The following VPS13C variants were observed in gnomAD, a reference collection of about 807,000 sequenced individuals.
VPS13C encodes vacuolar protein sorting 13 homolog C.
Under a neutral mutation model 456.8 loss-of-function variants are expected in VPS13C, and 358 were observed. The observed-to-expected ratio is 0.78, with a 90% CI of 0.72 to 0.86. The LOEUF (loss-of-function observed/expected upper bound fraction) is 0.86. Ranked by LOEUF, VPS13C falls within the 40% of genes least tolerant of loss-of-function variation. The probability of loss-of-function intolerance (pLI) is 0.00; values close to 1 mark genes in which losing one functional copy is unlikely to be tolerated. For missense variants in VPS13C, 4,818 were observed against 4,385.4 expected (o/e 1.10, Z -2.79); for synonymous variants, 1,578 against 1,486.7 (o/e 1.06, Z -1.41).
At chr15:61,926,402 A>G (rs2043851174) in intron 52 of VPS13C, among the ~76,000 whole-genome samples, 1 of 152,208 alleles carries the variant, frequency 6.6e-6, no homozygotes, top group Admixed American at 6.5e-5. Flanking sequence ...CCTTGTCTCT[A>G]AAAGAGAAAG....
rs77585482 is a variant in VPS13C at position 61,925,442 on chromosome 15, T to C, written c.6609+14A>G. ...AATAAGAATTTTCACTCAAAGAATA[T>C]GGTAAGTACTAACCTTAATTATAAA... On this transcript the variant is annotated intron_variant, in intron 53 of 84. Coordinates refer to ENST00000644861, the MANE Select transcript of VPS13C (RefSeq NM_020821.3). The C allele has an allele frequency of 0.072, 102,976 of 1,439,084 alleles. 4,011 individuals carry two copies. The highest frequency in any genetic ancestry group is 0.08 in the Non-Finnish European group (85,001 of 1,065,662). The allele number at this position is 1,439,084 out of a possible 1,614,324, so 89.1% of individuals were successfully genotyped here. A position where few individuals can be genotyped will look rare whatever the true frequency, so the allele number is the denominator to read the frequency against.
chr15:62,014,543 GA>G (rs2047160541), intron 9 of VPS13C, among the ~76,000 whole-genome samples: 1 of 151,926 alleles, frequency 6.6e-6, no homozygotes, highest in South Asian at 2.1e-4. Context: ...GAGGTGGGAG[GA>G]TAACTTTAGA....
intron 11 of VPS13C, among the ~76,000 whole-genome samples, chr15:62,012,506 G>A (rs954403658): frequency 6.6e-6 from 1 of 151,818 alleles, no homozygotes; most frequent in Non-Finnish European, 1.5e-5. Context: ...ATCTTTCTGA[G>A]AAATCAGAGA....
chr15:61,973,311 TCA>T, intron 26 of VPS13C, 141 bp downstream of exon 26: 1 of 599,442 alleles, frequency 1.7e-6, no homozygotes, highest in Non-Finnish European at 2.8e-6. Flanking sequence ...AGACTCAGAG[TCA>T]CACTAATGTA....
intron 51 of VPS13C, 122 bp downstream of exon 51, chr15:61,929,379 G>C (rs1242818955): frequency 7.7e-7 from 1 of 1,292,152 alleles, no homozygotes; most frequent in Non-Finnish European, 1.0e-6. Context: ...TTTTTATATA[G>C]AATATGTTTA....
intron 52 of VPS13C, among the ~76,000 whole-genome samples, chr15:61,926,527 G>C (rs2043855275): frequency 6.6e-6 from 1 of 152,136 alleles, no homozygotes; most frequent in African/African-American, 2.4e-5. Flanking sequence ...AAGTCATTTT[G>C]TCCACAAATT....
intron 67 of VPS13C, among the ~76,000 whole-genome samples, chr15:61,888,186 G>A (rs984801272): frequency 3.9e-5 from 6 of 151,992 alleles, no homozygotes; most frequent in African/African-American, 7.3e-5. Context: ...CCAAAACACC[G>A]ACAATACCAA....
intron 9 of VPS13C, among the ~76,000 whole-genome samples, chr15:62,017,085 T>G (rs2047279533): frequency 6.6e-6 from 1 of 152,246 alleles, no homozygotes; most frequent in Admixed American, 6.5e-5. Context: ...GAGAAGCGTC[T>G]TCTTTTGAGA....
At position 61,910,300 on chromosome 15, in the gene VPS13C, A is replaced by G; in HGVS notation, c.8721T>C (p.Leu2907=). Residue 2907 remains leucine (L), a synonymous_variant, in exon 64 of 85, where the codon CTT becomes CTC. Transcript: ENST00000644861. The part of the protein sequence containing the change: ...KWNYIASSEC[L]PFWPESLSGK... ...CTGACAAACTTTCTGGCCAAAATGG[A>G]AGGCACTAAAAATATAGAAGTTATT... is the stretch of plus-strand genomic sequence containing the variant. 1.3e-6 allele frequency: 2 copies of G among 1,520,258 alleles called. No individual in the cohort carries two copies. The highest frequency in any genetic ancestry group is 1.3e-5 in the South Asian group (1 of 76,452). The allele number at this position is 1,520,258 out of a possible 1,614,324, so 94.2% of individuals were successfully genotyped here.
At chr15:62,019,084 T>A (rs928265649) in intron 9 of VPS13C, among the ~76,000 whole-genome samples, 24 of 152,218 alleles carry the variant, frequency 1.6e-4, no homozygotes, top group African/African-American at 5.8e-4. Context: ...TAGAGGTGTT[T>A]ATAGTATTCT....
intron 12 of VPS13C, 34 bp downstream of exon 12, chr15:62,012,073 C>T: frequency 1.6e-6 from 2 of 1,251,450 alleles, no homozygotes; most frequent in East Asian, 2.4e-5. Context: ...ATGTTTCTTC[C>T]TATAACATGA....
rs183233949 is a variant in VPS13C at position 61,973,405 on chromosome 15, C to T, written c.2617+49G>A. 6.0e-5 allele frequency: 88 copies of T among 1,462,270 alleles called. 1 individual carries two copies. In the African/African-American group the frequency reaches 1.0e-3, roughly 17 times the overall value. The allele number at this position is 1,462,270 out of a possible 1,614,324, so 90.6% of individuals were successfully genotyped here. A position where few individuals can be genotyped will look rare whatever the true frequency, so the allele number is the denominator to read the frequency against. ...TTCTGAAAATGTTATCTCTGTATAA[C>T]AATGTATAGGCTTAATTTAATAGAG... On this transcript the variant is annotated intron_variant, in intron 26 of 84. Coordinates refer to ENST00000644861, the MANE Select transcript of VPS13C (RefSeq NM_020821.3).
At chr15:61,972,008 AAAGT>A (rs1188268843) in intron 27 of VPS13C, among the ~76,000 whole-genome samples, 4 of 152,202 alleles carry the variant, frequency 2.6e-5, no homozygotes, top group Non-Finnish European at 5.9e-5. Flanking sequence ...AATACATGTA[AAAGT>A]AAGCAGGCAT....
chr15:61,891,109 A>G (rs2042636840), intron 66 of VPS13C, among the ~76,000 whole-genome samples: 1 of 152,202 alleles, frequency 6.6e-6, no homozygotes, highest in Admixed American at 6.5e-5. Flanking sequence ...TTATATTTTC[A>G]TGATCTATAA....
At chr15:61,997,465 C>T (rs2046427190) in intron 16 of VPS13C, among the ~76,000 whole-genome samples, 1 of 152,140 alleles carries the variant, frequency 6.6e-6, no homozygotes, top group African/African-American at 2.4e-5. Context: ...ACAGACTCCT[C>T]TTCTGAACTC....
At chr15:61,862,367 G>A (rs1210934262) in intron 82 of VPS13C, among the ~76,000 whole-genome samples, 2 of 152,048 alleles carry the variant, frequency 1.3e-5, no homozygotes, top group African/African-American at 4.8e-5. Context: ...GATATATAAT[G>A]TATACAGTAA....
chr15:61,970,381 T>C (rs1046695213), intron 27 of VPS13C, among the ~76,000 whole-genome samples: 2 of 152,210 alleles, frequency 1.3e-5, no homozygotes, highest in African/African-American at 4.8e-5. Flanking sequence ...AATAGTTGTT[T>C]TAAGCTATTT....
intron 79 of VPS13C, 39 bp downstream of exon 79, chr15:61,871,950 C>A: frequency 1.3e-6 from 2 of 1,580,946 alleles, no homozygotes; most frequent in Non-Finnish European, 1.7e-6. Context: ...AGCATCAAGT[C>A]TTCAGACTTT....
chr15:62,029,529 T>G (rs2047742277), intron 5 of VPS13C, among the ~76,000 whole-genome samples: 1 of 152,136 alleles, frequency 6.6e-6, no homozygotes, highest in Admixed American at 6.6e-5. Context: ...ACCTTCATAG[T>G]GTCTACCCTG....
Sources: gnomAD v4.1 joint callset for allele counts (sites outside exome capture counted in the v4.1 genomes callset) on GRCh38, gnomAD v4.1.1 for gene constraint, MANE v1.5 for transcripts, NCBI Gene and HGNC (gene_info 2026-07-23, HGNC 2026-07-21) for gene names.